The following PALM2AKAP2 variants were observed in gnomAD, a reference collection of about 807,000 sequenced individuals.
The protein encoded by PALM2AKAP2 is PALM2 and AKAP2 fusion, also known as PALM2-AKAP2 fusion protein.
In PALM2AKAP2, 37 loss-of-function variants were observed where a neutral mutation model predicts 71.5. That is an observed-to-expected ratio of 0.52 (90% confidence interval 0.40 to 0.68). PALM2AKAP2 has a LOEUF of 0.68. Among genes scored for constraint, PALM2AKAP2 ranks in the 30% least tolerant of loss-of-function variants. PALM2AKAP2 has a pLI of 0.00. For missense variants in PALM2AKAP2, 1,224 were observed against 1,191.8 expected (o/e 1.03, Z -0.40); for synonymous variants, 468 against 478.8 (o/e 0.98, Z 0.29).
rs369802769 is a variant in PALM2AKAP2, at chr9:109,943,433, T to C, written c.496+11405T>C. On this transcript the variant is annotated intron_variant, in intron 6 of 9. Transcript: ENST00000302798. ...TGCTGTGTTGTCATGTGACCACTTCTTTCTTCTCCTTTCTTCTGGGCAGCC... is the reference window on the plus strand; with the variant it reads ...TGCTGTGTTGTCATGTGACCACTTCCTTCTTCTCCTTTCTTCTGGGCAGCC... 12 of 1,592,200 alleles carry C rather than the reference T, an allele frequency of 7.5e-6. No homozygotes were observed. In the African/African-American group the frequency reaches 1.6e-4, roughly 21 times the overall value.
intron 3 of PALM2AKAP2, 94 bp downstream of exon 9, chr9:110,156,591 T>G: frequency 7.0e-7 from 1 of 1,421,232 alleles, no homozygotes; most frequent in Non-Finnish European, 9.3e-7. Flanking sequence ...TGTATGTCGT[T>G]GTCTGGTCAG....
intron 1 of PALM2AKAP2, among the ~76,000 whole-genome samples, chr9:109,762,263 C>T (rs1463269532): frequency 6.6e-6 from 1 of 151,864 alleles, no homozygotes; most frequent in Admixed American, 6.6e-5. Context: ...TTGAATTTCT[C>T]ATTTTCTTTT....
At chr9:109,988,774 G>A (rs1021986188) in intron 6 of PALM2AKAP2, among the ~76,000 whole-genome samples, 7 of 152,158 alleles carry the variant, frequency 4.6e-5, no homozygotes, top group Non-Finnish European at 7.4e-5. Context: ...AATGTGGTTT[G>A]GTTGTATCCC....
chr9:109,647,269 T>A (rs1274200999), intron 1 of PALM2AKAP2, among the ~76,000 whole-genome samples: 2 of 152,200 alleles, frequency 1.3e-5, no homozygotes, highest in Non-Finnish European at 2.9e-5. Flanking sequence ...GTAAAGCACA[T>A]GCTTTGAATA....
chr9:109,964,289 A>G (rs148293295), intron 6 of PALM2AKAP2, among the ~76,000 whole-genome samples: 31 of 152,120 alleles, frequency 2.0e-4, no homozygotes, highest in African/African-American at 7.2e-4. Flanking sequence ...CAGGAATGAG[A>G]GGTTTTGGCC....
At position 109,926,608 on chromosome 9, in the gene PALM2AKAP2, G is replaced by A. The variant is rs563549992; in HGVS notation, c.394+1526G>A. On this transcript the variant is annotated intron_variant, in intron 5 of 9. Transcript: ENST00000302798. ...GCCACACAATTAGCAATAATACAGT[G>A]CATGTCAGGCTGGGATGAAGTGTGG... 3.9e-5 allele frequency among the ~76,000 whole-genome samples: 6 copies of A among 152,294 alleles called. No homozygotes were observed. In the South Asian group the frequency reaches 1.2e-3, roughly 32 times the overall value.
At chr9:109,770,014 C>T (rs1347248234) in intron 1 of PALM2AKAP2, among the ~76,000 whole-genome samples, 3 of 151,944 alleles carry the variant, frequency 2.0e-5, no homozygotes, top group Admixed American at 6.6e-5. Flanking sequence ...TAACCCAAGC[C>T]CAGAGAGGGG....
intron 1 of PALM2AKAP2, among the ~76,000 whole-genome samples, chr9:110,063,244 ATGAT>A (rs1834002895): frequency 1.3e-5 from 2 of 152,122 alleles, no homozygotes; most frequent in Admixed American, 1.3e-4. Context: ...TAAATCTAAA[ATGAT>A]TGAGATTTGT....
At chr9:109,897,043 T>A (rs996456364) in intron 3 of PALM2AKAP2, among the ~76,000 whole-genome samples, 1 of 152,156 alleles carries the variant, frequency 6.6e-6, no homozygotes, top group Non-Finnish European at 1.5e-5. Flanking sequence ...AATGTGGATT[T>A]TTCCATAAAG....
At chr9:109,870,165 C>G (rs368883259) in intron 2 of PALM2AKAP2, among the ~76,000 whole-genome samples, 95 of 152,142 alleles carry the variant, frequency 6.2e-4, no homozygotes, top group African/African-American at 2.1e-3. Context: ...AAACTTCCCT[C>G]AGGACCTTGC....
At chr9:110,089,738 C>T (rs528679412) in intron 1 of PALM2AKAP2, among the ~76,000 whole-genome samples, 2 of 152,308 alleles carry the variant, frequency 1.3e-5, no homozygotes, top group East Asian at 3.9e-4. Context: ...AACAGGTTTT[C>T]TTCCTCTCTG....
chr9:109,785,608 A>G (rs958121205), intron 1 of PALM2AKAP2, among the ~76,000 whole-genome samples: 2 of 152,238 alleles, frequency 1.3e-5, no homozygotes, highest in African/African-American at 4.8e-5. Flanking sequence ...TCACATGGCA[A>G]CAGACTGGAA....
intron 3 of PALM2AKAP2, among the ~76,000 whole-genome samples, chr9:110,165,867 A>G (rs931120280): frequency 1.3e-5 from 2 of 152,248 alleles, no homozygotes; most frequent in Non-Finnish European, 2.9e-5. Flanking sequence ...AAGAGTTCCT[A>G]AAGAGCAGAG....
chr9:109,694,714 A>C (rs1050615396), intron 1 of PALM2AKAP2, among the ~76,000 whole-genome samples: 4 of 152,108 alleles, frequency 2.6e-5, no homozygotes, highest in Non-Finnish European at 5.9e-5. Flanking sequence ...GCCAGAGTAG[A>C]AAGGAAGATT....
intron 1 of PALM2AKAP2, among the ~76,000 whole-genome samples, chr9:109,691,201 A>ACACACACACC (rs983533559): frequency 1.2e-4 from 19 of 152,040 alleles, no homozygotes; most frequent in African/African-American, 4.1e-4. Flanking sequence ...ACACACACAC[A>ACACACACACC]CACATGCACA....
chr9:109,797,739 C>A (rs1025739743), intron 1 of PALM2AKAP2, among the ~76,000 whole-genome samples: 13 of 152,180 alleles, frequency 8.5e-5, no homozygotes, highest in African/African-American at 3.1e-4. Flanking sequence ...TCATAATAAA[C>A]AAACAAAAAT....
intron 1 of PALM2AKAP2, among the ~76,000 whole-genome samples, chr9:109,804,528 G>A (rs1827523081): frequency 6.6e-6 from 1 of 152,138 alleles, no homozygotes; most frequent in Non-Finnish European, 1.5e-5. Context: ...TTTTGCGGTA[G>A]TAACGAAATC....
chr9:109,697,726 A>C (rs995069596), intron 1 of PALM2AKAP2, among the ~76,000 whole-genome samples: 1 of 152,186 alleles, frequency 6.6e-6, no homozygotes, highest in Non-Finnish European at 1.5e-5. Flanking sequence ...CTCATTATCT[A>C]TATCTTAAGA....
chr9:109,750,570 A>AAGTGTGTGTGTGTGTG (rs746154004), intron 1 of PALM2AKAP2, among the ~76,000 whole-genome samples: 36 of 97,848 alleles, frequency 3.7e-4, no homozygotes, highest in East Asian at 2.0e-3. Context: ...CTGCCCTAGG[A>AAGTGTGTGTGTGTGTG]CGTGTGTGTG....
Sources: allele counts gnomAD v4.1 joint callset (sites outside exome capture counted in the v4.1 genomes callset), GRCh38; gene constraint gnomAD v4.1.1; transcripts MANE v1.5; gene names NCBI Gene and HGNC (gene_info 2026-07-23, HGNC 2026-07-21).